Variants in KCNK12 observed in about 807,000 individuals in gnomAD.
The protein encoded by KCNK12 is potassium two pore domain channel subfamily K member 12.
Under a neutral mutation model 25.3 loss-of-function variants are expected in KCNK12, and 6 were observed. The ratio of observed to expected loss-of-function variants is 0.24; its 90% CI spans 0.13 to 0.47. The LOEUF is 0.47. Among genes scored for constraint, KCNK12 ranks in the 20% least tolerant of loss-of-function variants. The probability of loss-of-function intolerance (pLI) is 0.99; values close to 1 mark genes in which losing one functional copy is unlikely to be tolerated. For missense variants in KCNK12, 444 were observed against 661.7 expected (o/e 0.67, Z 3.61); for synonymous variants, 331 against 311.1 (o/e 1.06, Z -0.67).
intron 1 of KCNK12, among the ~76,000 whole-genome samples, chr2:47,526,440 CAAAG>C (rs1045216593): frequency 1.4e-5 from 2 of 143,258 alleles, no homozygotes; most frequent in African/African-American, 2.6e-5. Flanking sequence ...AGAAAAGAAA[CAAAG>C]AAACTGGCTG....
In KCNK12 at chr2:47,515,739, G is replaced by A. The variant is rs1480615765; in HGVS notation, c.*5168C>T. Among the ~76,000 whole-genome samples, 1 of 152,090 alleles carries A rather than the reference G, an allele frequency of 6.6e-6. No homozygotes were observed. The highest frequency in any genetic ancestry group is 1.5e-5 in the Non-Finnish European group (1 of 68,014). On this transcript the variant is annotated 3_prime_UTR_variant, in exon 2 of 2. Transcript: ENST00000327876. ...GAAAATTGAAGGAAAAGAAGGAGGG[G>A]GATGTGGAGGGGAGAGAAGGCCTCA...
At chr2:47,526,698 C>A (rs1668787220) in intron 1 of KCNK12, among the ~76,000 whole-genome samples, 2 of 151,806 alleles carry the variant, frequency 1.3e-5, no homozygotes, top group African/African-American at 4.8e-5. Context: ...GCGCCACTGC[C>A]TTCCAGCCTG....
Position 47,512,391 on chromosome 2 carries a change from G to T in KCNK12, c.*8516C>A. 1 of 1,611,644 alleles carries T rather than the reference G, an allele frequency of 6.2e-7. No individual in the cohort carries two copies. Among genetic ancestry groups the T allele is most frequent in the Non-Finnish European group, 8.5e-7 (1 of 1,179,394 alleles). On this transcript the variant is annotated 3_prime_UTR_variant, in exon 2 of 2. Transcript: ENST00000327876. ...CGTGGGGGAAAGAGATCTGCTTGCA[G>T]TCGGCCAGAGAGACAGAACCAGGGC... is the stretch of plus-strand genomic sequence containing the variant.
intron 1 of KCNK12, among the ~76,000 whole-genome samples, chr2:47,531,148 A>C (rs1668916517): frequency 6.6e-6 from 1 of 152,160 alleles, no homozygotes; most frequent in South Asian, 2.1e-4. Flanking sequence ...GGAAAGACAT[A>C]TGGAAGAAGA....
chr2:47,533,502 C>T lies in KCNK12; in HGVS notation c.392-11694G>A, dbSNP rs760227115. 8.5e-5 allele frequency among the ~76,000 whole-genome samples: 13 copies of T among 152,186 alleles called. No individual in the cohort carries two copies. The highest frequency in any genetic ancestry group is 2.1e-4 in the South Asian group (1 of 4,832). On this transcript the variant is annotated intron_variant, in intron 1 of 1. Transcript: ENST00000327876. This position sits in a 1 kb window ranked among gnomAD's most constrained non-coding sequence, Gnocchi z 4.7. ...AGGCAGGCAAGGAATGGGCAAATCA[C>T]GACATGACATATGGATTTCCATGGC...
chr2:47,554,484 A>G (rs1669510270), intron 1 of KCNK12, among the ~76,000 whole-genome samples: 1 of 152,210 alleles, frequency 6.6e-6, no homozygotes, highest in African/African-American at 2.4e-5. Flanking sequence ...CTCACAGAGC[A>G]GTGCGCCAGG....
chr2:47,559,718 A>C (rs1669624932), intron 1 of KCNK12, among the ~76,000 whole-genome samples: 1 of 152,158 alleles, frequency 6.6e-6, no homozygotes, highest in South Asian at 2.1e-4. Context: ...ATCTTAACCC[A>C]CTGAACGGTG....
intron 1 of KCNK12, among the ~76,000 whole-genome samples, chr2:47,567,888 A>G (rs986156496): frequency 6.6e-6 from 1 of 152,236 alleles, no homozygotes; most frequent in Non-Finnish European, 1.5e-5. Flanking sequence ...GGCATGGAAC[A>G]ATTTCCCAAC....
At position 47,521,034 on chromosome 2, in the gene KCNK12, A is replaced by G; in HGVS notation, c.1166T>C (p.Leu389Pro). The G allele has an allele frequency of 1.4e-6, 2 of 1,400,034 alleles. No individual in the cohort carries two copies. Among genetic ancestry groups the G allele is most frequent in the South Asian group, 1.5e-5 (1 of 65,892 alleles). 86.7% of individuals were successfully genotyped at this position (1,400,034 alleles called of 1,614,324 possible). The change falls in exon 2 of 2, where the codon CTG (leucine) becomes CCG (proline). Residue 389 changes from leucine (L) to proline (P), a missense_variant. Leu to Pro is a moderately conservative substitution (Grantham distance 98, BLOSUM62 -3). This residue lies in a region of KCNK12 where 57 missense variants were observed against 68.9 expected (regional missense o/e 0.83). Coordinates refer to ENST00000327876, the MANE Select transcript of KCNK12 (RefSeq NM_022055.2). ...CGGGTAGCCGTTGGCCGTCTCCGAC[A>G]GCTGCTTCTGCAGCAGCGCCAGCGA... ...KVSLALLQKQ[L>P]SETANGYPRS...
chr2:47,524,869 G>T (rs1407069175), intron 1 of KCNK12, among the ~76,000 whole-genome samples: 1 of 152,170 alleles, frequency 6.6e-6, no homozygotes, highest in Non-Finnish European at 1.5e-5. Context: ...CCTGCATGTT[G>T]GGGACAGACT....
At position 47,562,222 on chromosome 2, in the gene KCNK12, T is replaced by A. The variant is rs1669687148; in HGVS notation, c.391+7719A>T. ...CAGGTGGTTCCAGGCACCTTACAGT[T>A]TGAAAAGCACTGCTGCATGCTATCC... On this transcript the variant is annotated intron_variant, in intron 1 of 1. Transcript: ENST00000327876. The surrounding 1 kb of genome is among the most constrained non-coding windows in gnomAD (Gnocchi z 4.8). 2.5e-6 allele frequency: 1 copy of A among 398,362 alleles called. No homozygotes were observed. Among genetic ancestry groups the A allele is most frequent in the East Asian group, 3.6e-5 (1 of 28,074 alleles). The allele number at this position is 398,362 out of a possible 1,614,324, so 24.7% of individuals were successfully genotyped here. A position where few individuals can be genotyped will look rare whatever the true frequency, so the allele number is the denominator to read the frequency against.
intron 1 of KCNK12, among the ~76,000 whole-genome samples, chr2:47,568,295 T>G (rs1219651166): frequency 4.0e-5 from 6 of 149,018 alleles, no homozygotes; most frequent in Non-Finnish European, 7.4e-5. Context: ...CCTTAGTACT[T>G]TTAAAGCACT....
At chr2:47,544,644 T>A (rs1669274568) in intron 1 of KCNK12, among the ~76,000 whole-genome samples, 1 of 152,220 alleles carries the variant, frequency 6.6e-6, no homozygotes. Flanking sequence ...AATGGCCCCC[T>A]GGCAGCTTAC....
chr2:47,557,159 A>G lies in KCNK12; in HGVS notation c.391+12782T>C. 6.6e-6 allele frequency among the ~76,000 whole-genome samples: 1 copy of G among 152,200 alleles called. No homozygotes were observed. The highest frequency in any genetic ancestry group is 1.9e-4 in the East Asian group (1 of 5,196). On this transcript the variant is annotated intron_variant, in intron 1 of 1. Transcript: ENST00000327876. The surrounding 1 kb of genome is among the most constrained non-coding windows in gnomAD (Gnocchi z 4.9). ...CCTCCAAAACTTACGTTGAAATCCA[A>G]TGGCTATTGTAAGACTTTTAAGAGG...
At chr2:47,521,849 A>G (rs1573622161) in intron 1 of KCNK12, 41 bp from the exon 2 acceptor site, 4 of 900,570 alleles carry the variant, frequency 4.4e-6, no homozygotes, top group South Asian at 2.2e-5. Flanking sequence ...CTGGCCGCGC[A>G]GGTGGTCCTC....
At chr2:47,527,204 A>G (rs892719316) in intron 1 of KCNK12, among the ~76,000 whole-genome samples, 106 of 152,328 alleles carry the variant, frequency 7.0e-4, no homozygotes, top group African/African-American at 2.5e-3. Context: ...GACCACAGCC[A>G]GGGGAGCATC....
In KCNK12 at chr2:47,557,969, A is replaced by G. The variant is rs1669583915; in HGVS notation, c.391+11972T>C. On this transcript the variant is annotated intron_variant, in intron 1 of 1. Coordinates refer to ENST00000327876, the MANE Select transcript of KCNK12 (RefSeq NM_022055.2). The surrounding 1 kb of genome is among the most constrained non-coding windows in gnomAD (Gnocchi z 4.9). ...TATAATGGGGTATGTTGCTGCTTAC[A>G]GGAGCTTTGGAATGAATCCCTTTGA... 6.6e-6 allele frequency among the ~76,000 whole-genome samples: 1 copy of G among 152,232 alleles called. No individual in the cohort carries two copies.
intron 1 of KCNK12, among the ~76,000 whole-genome samples, chr2:47,550,321 A>G (rs1293101070): frequency 6.6e-6 from 1 of 152,046 alleles, no homozygotes; most frequent in Admixed American, 6.5e-5. Context: ...AGAAATCTTA[A>G]CAGCAGCCAA....
intron 1 of KCNK12, among the ~76,000 whole-genome samples, chr2:47,536,534 C>T (rs909330688): frequency 6.6e-6 from 1 of 152,148 alleles, no homozygotes; most frequent in South Asian, 2.1e-4. Context: ...GTTTTTGAGA[C>T]CTGCTGTGTG....
Sources: allele counts gnomAD v4.1 joint callset (sites outside exome capture counted in the v4.1 genomes callset), GRCh38; gene constraint gnomAD v4.1.1; regional missense constraint gnomAD v4.1.1; non-coding constraint Gnocchi (gnomAD v3.1); transcripts MANE v1.5; gene names NCBI Gene and HGNC (gene_info 2026-07-23, HGNC 2026-07-21).